Variants in MLLT11 observed in about 807,000 individuals in gnomAD.
MLLT11 encodes MLLT11 transcription factor 7 cofactor, also known as protein AF1q.
A neutral mutation model predicts 5.3 loss-of-function variants in MLLT11; 1 was observed. That is an observed-to-expected ratio of 0.19 (90% CI 0.07 to 0.89). The LOEUF (loss-of-function observed/expected upper bound fraction) is 0.89. Ranked by LOEUF, MLLT11 falls within the 40% of genes least tolerant of loss-of-function variation. The probability of loss-of-function intolerance (pLI) is 0.67; values close to 1 mark genes in which losing one functional copy is unlikely to be tolerated. For synonymous variants in MLLT11, 38 were observed against 41.7 expected, an observed-to-expected ratio of 0.91 and a Z score of 0.34; for missense variants, 87 against 107.3, an observed-to-expected ratio of 0.81 and a Z score of 0.83.
rs1676484613 is a variant in MLLT11, at chr1:151,067,048, A to C, written c.-6-171A>C. 5 of 515,222 alleles carry C rather than the reference A, an allele frequency of 9.7e-6. No homozygotes were observed. In the East Asian group the frequency reaches 1.6e-4, roughly 16 times the overall value. The allele number at this position is 515,222 out of a possible 1,614,324, so 31.9% of individuals were successfully genotyped here. A position where few individuals can be genotyped will look rare whatever the true frequency, so the allele number is the denominator to read the frequency against. On this transcript the variant is annotated intron_variant, in intron 1 of 1. Coordinates refer to ENST00000368921, the MANE Select transcript of MLLT11 (RefSeq NM_006818.4). The stretch of plus-strand genomic sequence containing the variant: ...GTGAGTTTCTTTTTTTTCCTCCCCA[A>C]ATTCCTTTTTACTGGTGGGATTGGA...
At chr1:151,062,681 G>A (rs972432989) in intron 1 of MLLT11, among the ~76,000 whole-genome samples, 1 of 152,090 alleles carries the variant, frequency 6.6e-6, no homozygotes, top group African/African-American at 2.4e-5. Flanking sequence ...ATTTTTTAAA[G>A]AGCCTATAAT....
intron 1 of MLLT11, among the ~76,000 whole-genome samples, chr1:151,062,830 G>A (rs587761664): frequency 6.6e-6 from 1 of 152,132 alleles, no homozygotes; most frequent in Non-Finnish European, 1.5e-5. Context: ...TGACTCCTAG[G>A]TATGCTTCTT....
Position 151,067,640 on chromosome 1 carries a change from GTATT to G in MLLT11, c.*151_*154del, listed in dbSNP as rs1223022164. The G allele has an allele frequency of 2.5e-4, 237 of 931,032 alleles. No homozygotes were observed. Among genetic ancestry groups the G allele is most frequent in the Non-Finnish European group, 2.3e-5 (14 of 607,474 alleles). 57.7% of individuals were successfully genotyped at this position (931,032 alleles called of 1,614,324 possible). A position where few individuals can be genotyped will look rare whatever the true frequency, so the allele number is the denominator to read the frequency against. On this transcript the variant is annotated 3_prime_UTR_variant, in exon 2 of 2. Transcript: ENST00000368921. The stretch of plus-strand genomic sequence containing the variant: ...TGAATCTGCCAGAGTTGAGTTCTAT[GTATT>G]TATTTATCTATCTGTCTACTCCATT...
intron 1 of MLLT11, 110 bp from the exon 2 acceptor site, chr1:151,067,109 A>C (rs1676485541): frequency 2.1e-6 from 2 of 932,850 alleles, no homozygotes; most frequent in South Asian, 2.0e-5. Flanking sequence ...AGAAAAAAAA[A>C]AAAAAAAGAA....
In MLLT11 at chr1:151,068,158, C is replaced by T. The variant is rs977218763; in HGVS notation, c.*661C>T. 2.9e-5 allele frequency: 7 copies of T among 239,996 alleles called. No homozygotes were observed. The highest frequency in any genetic ancestry group is 2.9e-4 in the Admixed American group (5 of 17,504). 14.9% of individuals were successfully genotyped at this position (239,996 alleles called of 1,614,324 possible). ...AATTTCTTTTCTCAAAAGAGTGTCC[C>T]TTCTTCACACCTACTCACTTTACAA... On this transcript the variant is annotated 3_prime_UTR_variant, in exon 2 of 2. Coordinates refer to ENST00000368921, the MANE Select transcript of MLLT11 (RefSeq NM_006818.4).
At chr1:151,062,613 G>A (rs1363113774) in intron 1 of MLLT11, among the ~76,000 whole-genome samples, 3 of 151,948 alleles carry the variant, frequency 2.0e-5, no homozygotes, top group Non-Finnish European at 2.9e-5. Context: ...CACCTGCCTC[G>A]GCCTCCCAAA....
chr1:151,060,839 T>A (rs1676394706), intron 1 of MLLT11, among the ~76,000 whole-genome samples: 2 of 152,234 alleles, frequency 1.3e-5, no homozygotes, highest in Admixed American at 1.3e-4. Flanking sequence ...AGTCTACTTA[T>A]CTTCCTTTTC....
At position 151,069,494 on chromosome 1, in the gene MLLT11, G is replaced by A. The variant is rs955261238; in HGVS notation, c.*1997G>A. On this transcript the variant is annotated 3_prime_UTR_variant, in exon 2 of 2. Transcript: ENST00000368921. ...TCAGAGTCCTTCAGCCATGGCAATT[G>A]GTGGGTGGAGACAGGGATCAACTGT... 3.9e-5 allele frequency among the ~76,000 whole-genome samples: 6 copies of A among 152,298 alleles called. No homozygotes were observed. Among genetic ancestry groups the A allele is most frequent in the South Asian group, 2.1e-4 (1 of 4,828 alleles).
intron 1 of MLLT11, among the ~76,000 whole-genome samples, chr1:151,064,648 G>A (rs1162300903): frequency 2.6e-5 from 4 of 152,170 alleles, no homozygotes; most frequent in South Asian, 2.1e-4. Context: ...ATGGTGAGAT[G>A]CCAGAGAGCT....
At chr1:151,064,475 G>A (rs1676448937) in intron 1 of MLLT11, among the ~76,000 whole-genome samples, 1 of 148,686 alleles carries the variant, frequency 6.7e-6, no homozygotes, top group Non-Finnish European at 1.5e-5. Context: ...ATGGCTTTGT[G>A]TACAAAGCCC....
chr1:151,060,686 A>T (rs1676391272), intron 1 of MLLT11, 133 bp downstream of exon 1: 1 of 152,224 alleles, frequency 6.6e-6, no homozygotes, highest in Non-Finnish European at 1.5e-5. Context: ...AACAATGGGT[A>T]GTTATTTCTT....
intron 1 of MLLT11, among the ~76,000 whole-genome samples, chr1:151,066,366 T>C (rs1676476838): frequency 6.6e-6 from 1 of 152,240 alleles, no homozygotes; most frequent in South Asian, 2.1e-4. Context: ...CTCAAACTCC[T>C]GGCCTCAAGT....
At position 151,069,216 on chromosome 1, in the gene MLLT11, A is replaced by G. The variant is rs1676530202; in HGVS notation, c.*1719A>G. ...TAAACGGGAATGAGACAAGACTCCA[A>G]CTCTCAAAAGAGAAACTGTAAATAC... On this transcript the variant is annotated 3_prime_UTR_variant, in exon 2 of 2. Coordinates refer to ENST00000368921, the MANE Select transcript of MLLT11 (RefSeq NM_006818.4). Among the ~76,000 whole-genome samples, 2 of 152,132 alleles carry G rather than the reference A, an allele frequency of 1.3e-5. No individual in the cohort carries two copies. Among genetic ancestry groups the G allele is most frequent in the South Asian group, 4.1e-4 (2 of 4,832 alleles).
chr1:151,060,750 CTT>C (rs1482953153), intron 1 of MLLT11, among the ~76,000 whole-genome samples, 197 bp downstream of exon 1: 1 of 152,240 alleles, frequency 6.6e-6, no homozygotes, highest in African/African-American at 2.4e-5. Flanking sequence ...TAACAATTTA[CTT>C]GTAGTTATTT....
intron 1 of MLLT11, among the ~76,000 whole-genome samples, chr1:151,064,005 G>GTTATTTAT (rs3062378): frequency 0.048 from 7,261 of 150,386 alleles, 298 homozygotes; most frequent in African/African-American, 0.1. Context: ...GCATAGGAAA[G>GTTATTTAT]TTATTTATTT....
chr1:151,063,389 C>T (rs954926622), intron 1 of MLLT11, among the ~76,000 whole-genome samples: 8 of 152,046 alleles, frequency 5.3e-5, no homozygotes, highest in African/African-American at 1.9e-4. Flanking sequence ...CCTTTGGGAA[C>T]ATTTCAACTA....
chr1:151,064,214 T>C lies in MLLT11; in HGVS notation c.-6-3005T>C, dbSNP rs150815525. ...TTTTGTATTTTTAATAGAGACAGGATTTCACCATGTTGGTTGGGCTGGTCT... is the reference window on the plus strand; with the variant it reads ...TTTTGTATTTTTAATAGAGACAGGACTTCACCATGTTGGTTGGGCTGGTCT... On this transcript the variant is annotated intron_variant, in intron 1 of 1. Transcript: ENST00000368921. Among the ~76,000 whole-genome samples the C allele has an allele frequency of 3.3e-4, 50 of 152,230 alleles. 1 individual carries two copies. The highest frequency in any genetic ancestry group is 1.2e-3 in the African/African-American group (49 of 41,542).
Position 151,068,885 on chromosome 1 carries a change from T to G in MLLT11, c.*1388T>G, listed in dbSNP as rs1182614387. Among the ~76,000 whole-genome samples, 3 of 152,226 alleles carry G rather than the reference T, an allele frequency of 2.0e-5. No homozygotes were observed. In the East Asian group the frequency reaches 5.8e-4, roughly 29 times the overall value. Reference sequence around the variant, plus strand: ...CAGGCGTGAGCCACTGAGCCCGGCCTCATTTTATCTTTCTATAATAATATT... The same window carrying G: ...CAGGCGTGAGCCACTGAGCCCGGCCGCATTTTATCTTTCTATAATAATATT... On this transcript the variant is annotated 3_prime_UTR_variant, in exon 2 of 2. Transcript: ENST00000368921.
intron 1 of MLLT11, among the ~76,000 whole-genome samples, chr1:151,061,082 G>A (rs1450675108): frequency 1.3e-5 from 2 of 152,156 alleles, no homozygotes; most frequent in African/African-American, 2.4e-5. Context: ...CCTAGGGTAG[G>A]AAAGGTGGGG....
Sources: allele counts gnomAD v4.1 joint callset (sites outside exome capture counted in the v4.1 genomes callset), GRCh38; gene constraint gnomAD v4.1.1; transcripts MANE v1.5; gene names NCBI Gene and HGNC (gene_info 2026-07-23, HGNC 2026-07-21).